The following PACS1 variants were observed in gnomAD, a reference collection of about 807,000 sequenced individuals.
PACS1 encodes PACS-1.
PACS1 carries 24 observed loss-of-function variants against 115.0 expected under a neutral mutation model. The ratio of observed to expected loss-of-function variants is 0.21; its 90% CI spans 0.15 to 0.29. The LOEUF (loss-of-function observed/expected upper bound fraction) is 0.29, where lower values mean the gene tolerates loss of function less well. Ranked by LOEUF, PACS1 falls within the 10% of genes least tolerant of loss-of-function variation. PACS1 has a pLI of 1.00. For missense variants in PACS1, 838 were observed against 1,251.2 expected (o/e 0.67, Z 4.98); for synonymous variants, 453 against 504.5 (o/e 0.90, Z 1.37).
intron 1 of PACS1, among the ~76,000 whole-genome samples, chr11:66,149,731 A>T (rs1859196115): frequency 6.6e-6 from 1 of 151,794 alleles, no homozygotes; most frequent in Non-Finnish European, 1.5e-5. Flanking sequence ...TCAGTACATT[A>T]TAAGATCTTT....
rs772469681 is a variant in PACS1, at chr11:66,241,546, A to G, written c.2549A>G (p.Lys850Arg). The part of the protein sequence containing the change: ...KRDASSKNTL[K>R]SVFRSVQVSR... ...GACGCCAGCTCGAAGAACACCCTCAAGAGTGTCTTCCGCTCAGTGCAGGTG... is the reference window on the plus strand; with the variant it reads ...GACGCCAGCTCGAAGAACACCCTCAGGAGTGTCTTCCGCTCAGTGCAGGTG... The change falls in exon 22 of 24, where the codon AAG (lysine) becomes AGG (arginine). Residue 850 changes from lysine to arginine, a missense_variant. Around this residue, in one of 6 missense-constraint regions of PACS1, gnomAD observed 84 missense variants for 187.1 expected, o/e 0.45. Coordinates refer to ENST00000320580, the MANE Select transcript of PACS1 (RefSeq NM_018026.4). 6 of 1,614,088 alleles carry G rather than the reference A, an allele frequency of 3.7e-6. No homozygotes were observed. The African/African-American group carries it at 6.7e-5, about 18-fold the overall frequency.
In PACS1 at chr11:66,070,851, G is replaced by A. The variant is rs1326310452; in HGVS notation, c.356+9G>A. 8.2e-6 allele frequency: 12 copies of A among 1,463,976 alleles called. No homozygotes were observed. The highest frequency in any genetic ancestry group is 3.0e-5 in the East Asian group (1 of 33,444). 90.7% of individuals were successfully genotyped at this position (1,463,976 alleles called of 1,614,324 possible). A position where few individuals can be genotyped will look rare whatever the true frequency, so the allele number is the denominator to read the frequency against. The stretch of plus-strand genomic sequence containing the variant: ...TCCAGCTGCGTGCCTAGGTGAGCGC[G>A]GGAGGGTGCGGCGGGGCGCCGGGGG... On this transcript the variant is annotated intron_variant, in intron 1 of 23. Coordinates refer to ENST00000320580, the MANE Select transcript of PACS1 (RefSeq NM_018026.4). The surrounding 1 kb of genome is among the most constrained non-coding windows in gnomAD (Gnocchi z 5.9).
chr11:66,238,552 G>A, intron 19 of PACS1: 1 of 432,368 alleles, frequency 2.3e-6, no homozygotes. Context: ...CCAGGCTGGA[G>A]TGCAGTGGCG....
chr11:66,216,388 G>A (rs1056194855), intron 5 of PACS1, 125 bp downstream of exon 5: 2 of 1,420,124 alleles, frequency 1.4e-6, no homozygotes. Context: ...GTAAAATGTG[G>A]CTTCGGCCCT....
intron 1 of PACS1, among the ~76,000 whole-genome samples, chr11:66,129,169 T>C (rs1182033607): frequency 6.6e-6 from 1 of 151,990 alleles, no homozygotes; most frequent in African/African-American, 2.4e-5. Context: ...TGGTGGCTCA[T>C]GCCTGTAATC....
intron 10 of PACS1, among the ~76,000 whole-genome samples, chr11:66,222,139 G>A (rs553035773): frequency 4.8e-4 from 73 of 152,252 alleles, no homozygotes; most frequent in Non-Finnish European, 8.4e-4. Flanking sequence ...CTCTCCCTTC[G>A]TGTCTGTTCT....
At chr11:66,179,397 A>G (rs1374521647) in intron 1 of PACS1, among the ~76,000 whole-genome samples, 1 of 152,180 alleles carries the variant, frequency 6.6e-6, no homozygotes, top group East Asian at 1.9e-4. Flanking sequence ...AAGATTAAGA[A>G]TATTGTTTAG....
chr11:66,153,577 C>G (rs1046347557), intron 1 of PACS1, among the ~76,000 whole-genome samples: 1 of 152,032 alleles, frequency 6.6e-6, no homozygotes, highest in African/African-American at 2.4e-5. Flanking sequence ...ATTGGGAGAT[C>G]GAGACCATCC....
In PACS1 at chr11:66,216,701, T is replaced by G. The variant is rs766322395; in HGVS notation, c.904T>G (p.Phe302Val). Residue 302 changes from phenylalanine (F) to valine (V), a missense_variant, in exon 7 of 24, where the codon TTC (phenylalanine) becomes GTC (valine). Coordinates refer to ENST00000320580, the MANE Select transcript of PACS1 (RefSeq NM_018026.4). The stretch of plus-strand genomic sequence containing the variant: ...TGTCCCTGTACCCACTTAGGACTTG[T>G]TCTACGAAGACGAAGATCTCCGGAA... ...SDDPLHGQDLFYEDEDLRKVK... is the reference protein window; with the variant it reads ...SDDPLHGQDLVYEDEDLRKVK... 3 of 1,613,850 alleles carry G rather than the reference T, an allele frequency of 1.9e-6. No homozygotes were observed. The highest frequency in any genetic ancestry group is 8.5e-7 in the Non-Finnish European group (1 of 1,179,848).
chr11:66,194,575 C>G (rs1854606988), intron 2 of PACS1, among the ~76,000 whole-genome samples: 1 of 152,134 alleles, frequency 6.6e-6, no homozygotes, highest in African/African-American at 2.4e-5. Context: ...CTCATTAAAT[C>G]CCATCACCAG....
chr11:66,230,135 TA>T (rs11357711), intron 11 of PACS1, among the ~76,000 whole-genome samples: 88,649 of 96,906 alleles, frequency 0.91, 40,481 homozygotes, highest in East Asian at 0.97. Flanking sequence ...GGAATGGGGC[TA>T]AAAAAAAAAA....
intron 4 of PACS1, among the ~76,000 whole-genome samples, chr11:66,213,640 A>G (rs537072906): frequency 2.0e-4 from 30 of 152,374 alleles, no homozygotes; most frequent in South Asian, 6.2e-4. Context: ...GTCCAGATCT[A>G]TCTAACCGTG....
chr11:66,150,492 T>G (rs1275525343), intron 1 of PACS1, among the ~76,000 whole-genome samples: 2 of 152,218 alleles, frequency 1.3e-5, no homozygotes, highest in Admixed American at 6.5e-5. Context: ...AGAAACATTT[T>G]AAGCCTTTCT....
intron 2 of PACS1, among the ~76,000 whole-genome samples, chr11:66,204,242 A>G (rs1233329955): frequency 1.3e-5 from 2 of 152,216 alleles, no homozygotes; most frequent in Admixed American, 1.3e-4. Flanking sequence ...ATCTGAATAG[A>G]CATCTCTCAA....
At chr11:66,132,887 C>T (rs1307861928) in intron 1 of PACS1, among the ~76,000 whole-genome samples, 1 of 152,138 alleles carries the variant, frequency 6.6e-6, no homozygotes, top group African/African-American at 2.4e-5. Context: ...AGGCTGGTCT[C>T]GAACTCGTGA....
intron 1 of PACS1, among the ~76,000 whole-genome samples, chr11:66,076,511 G>C (rs1303882801): frequency 6.6e-6 from 1 of 152,034 alleles, no homozygotes; most frequent in Admixed American, 6.5e-5. Context: ...TTGAGCCTCA[G>C]CCTCCCAGGT....
chr11:66,214,606 CTTCTTTTT>C (rs1272744270), intron 4 of PACS1, among the ~76,000 whole-genome samples: 1 of 111,952 alleles, frequency 8.9e-6, no homozygotes, highest in East Asian at 3.0e-4. Flanking sequence ...TTCTTCCTTT[CTTCTTTTT>C]CTTTTCTTTT....
intron 4 of PACS1, 79 bp from the exon 5 acceptor site, chr11:66,216,040 G>T: frequency 1.5e-6 from 2 of 1,377,852 alleles, no homozygotes; most frequent in East Asian, 2.3e-5. Context: ...GTTGCCCCTG[G>T]GGTCTTGTGC....
chr11:66,084,515 G>C (rs975804035), intron 1 of PACS1, among the ~76,000 whole-genome samples: 2 of 152,002 alleles, frequency 1.3e-5, no homozygotes, highest in Non-Finnish European at 2.9e-5. Context: ...TGTGGAAGCA[G>C]GGAGTCCGGT....
Sources: allele counts gnomAD v4.1 joint callset (sites outside exome capture counted in the v4.1 genomes callset), GRCh38; gene constraint gnomAD v4.1.1; regional missense constraint gnomAD v4.1.1; non-coding constraint Gnocchi (gnomAD v3.1); transcripts MANE v1.5; gene names NCBI Gene and HGNC (gene_info 2026-07-23, HGNC 2026-07-21).